ERC1: variants seen among roughly 807,000 people sequenced by gnomAD.
The protein encoded by ERC1 is RAB6 interacting protein 2.
ERC1 carries 56 observed loss-of-function variants against 132.0 expected under a neutral mutation model. The ratio of observed to expected loss-of-function variants is 0.42; its 90% confidence interval spans 0.34 to 0.53. The LOEUF is 0.53. Among genes scored for constraint, ERC1 ranks in the 20% least tolerant of loss-of-function variants. The pLI is 0.03. For missense variants in ERC1, 1,202 were observed against 1,349.9 expected (o/e 0.89, Z 1.72); for synonymous variants, 478 against 476.1 (o/e 1.00, Z -0.05).
chr12:1,429,293 A>G (rs562872586), intron 17 of ERC1, among the ~76,000 whole-genome samples: 1 of 152,302 alleles, frequency 6.6e-6, no homozygotes, highest in South Asian at 2.1e-4. Context: ...TCAAATGAAA[A>G]CATCTTACAT....
intron 2 of ERC1, among the ~76,000 whole-genome samples, chr12:1,078,147 G>A (rs1180063273): frequency 6.6e-6 from 1 of 152,134 alleles, no homozygotes; most frequent in Non-Finnish European, 1.5e-5. Flanking sequence ...TATTTCTCCT[G>A]ACTTGAATGA....
intron 3 of ERC1, among the ~76,000 whole-genome samples, chr12:1,091,013 T>C (rs988667987): frequency 2.6e-5 from 4 of 152,102 alleles, no homozygotes; most frequent in Admixed American, 2.6e-4. Context: ...TTCTCCTGCC[T>C]CAGCTTCCTG....
At chr12:1,094,159 C>A (rs1465744863) in intron 3 of ERC1, among the ~76,000 whole-genome samples, 2 of 149,410 alleles carry the variant, frequency 1.3e-5, no homozygotes, top group African/African-American at 4.9e-5. Flanking sequence ...GCTGGGACTA[C>A]AGGTGCCTGC....
chr12:1,177,176 T>A (rs933863982), intron 8 of ERC1, among the ~76,000 whole-genome samples: 1 of 152,212 alleles, frequency 6.6e-6, no homozygotes, highest in African/African-American at 2.4e-5. Context: ...GTGGCTGGTT[T>A]GATCCTGTAT....
At chr12:1,315,965 C>G (rs2081673378) in intron 15 of ERC1, among the ~76,000 whole-genome samples, 1 of 151,848 alleles carries the variant, frequency 6.6e-6, no homozygotes, top group Admixed American at 6.6e-5. Context: ...AGCCTTGGCT[C>G]ACTGCAAGCT....
chr12:1,214,602 C>A (rs963756275), intron 12 of ERC1, among the ~76,000 whole-genome samples: 2 of 151,182 alleles, frequency 1.3e-5, no homozygotes, highest in Non-Finnish European at 2.9e-5. Flanking sequence ...AATGAAAGGG[C>A]AAATTTAGAT....
chr12:1,375,523 A>AT (rs1308228759), intron 16 of ERC1, among the ~76,000 whole-genome samples: 2 of 152,166 alleles, frequency 1.3e-5, no homozygotes, highest in African/African-American at 4.8e-5. Flanking sequence ...TTAGCAGGTC[A>AT]TCCAAACATT....
rs1298930775 is a variant in ERC1 at position 1,196,961 on chromosome 12, CATAT to C, written c.2351+6922_2351+6925del. 1.3e-3 allele frequency among the ~76,000 whole-genome samples: 23 copies of C among 17,924 alleles called. 1 individual carries two copies. Among genetic ancestry groups the C allele is most frequent in the East Asian group, 5.1e-3 (5 of 980 alleles). The allele number at this position is 17,924 out of a possible 152,430, so 11.8% of individuals were successfully genotyped here. ...ACACACACACACACACACACACACA[CATAT>C]ATATATATATATTTTTTTTTTTTTT... On this transcript the variant is annotated intron_variant, in intron 12 of 18. Transcript: ENST00000360905.
chr12:1,393,841 C>T (rs1431704658), intron 16 of ERC1, among the ~76,000 whole-genome samples: 1 of 150,120 alleles, frequency 6.7e-6, no homozygotes, highest in Non-Finnish European at 1.5e-5. Context: ...CGGTGAAACC[C>T]CGTCTCTACT....
chr12:1,437,461 C>T (rs571759303), intron 17 of ERC1, among the ~76,000 whole-genome samples: 1 of 152,274 alleles, frequency 6.6e-6, no homozygotes, highest in East Asian at 1.9e-4. Flanking sequence ...CCTTTTGTAG[C>T]ACATGGAGAG....
At chr12:1,129,345 AAACT>A (rs2154237733) in intron 7 of ERC1, among the ~76,000 whole-genome samples, 1 of 138,088 alleles carries the variant, frequency 7.2e-6, no homozygotes, top group Non-Finnish European at 1.6e-5. Context: ...CAACAACAAA[AAACT>A]AACCAGGCAA....
intron 2 of ERC1, among the ~76,000 whole-genome samples, chr12:1,036,645 G>A (rs531589586): frequency 1.4e-3 from 216 of 152,218 alleles, no homozygotes; most frequent in African/African-American, 5.1e-3. Context: ...CAAAGTGTTG[G>A]GATTACAGGT....
intron 18 of ERC1, chr12:1,480,738 G>T (rs7295516): frequency 1.5e-6 from 1 of 675,494 alleles, no homozygotes; most frequent in Non-Finnish European, 2.7e-6. Context: ...GTGGGAGGGG[G>T]TGTGGGTAGT....
At chr12:1,210,348 G>A (rs1957749667) in intron 12 of ERC1, among the ~76,000 whole-genome samples, 1 of 152,184 alleles carries the variant, frequency 6.6e-6, no homozygotes, top group Non-Finnish European at 1.5e-5. Context: ...TGTACGTCAG[G>A]ATTGCTCTGT....
At chr12:1,168,898 C>T (rs781090016) in intron 8 of ERC1, among the ~76,000 whole-genome samples, 1 of 152,044 alleles carries the variant, frequency 6.6e-6, no homozygotes, top group Non-Finnish European at 1.5e-5. Flanking sequence ...GGGCTTTCTC[C>T]AGGTAAAAGT....
At chr12:1,094,428 G>T (rs10848435) in intron 3 of ERC1, among the ~76,000 whole-genome samples, 136,508 of 139,436 alleles carry the variant, frequency 0.98, 66,799 homozygotes, top group Middle Eastern at 0.99. Flanking sequence ...TTTTTTTTTT[G>T]GCAACAGAGT....
chr12:1,412,292 T>C (rs184501055), intron 17 of ERC1, among the ~76,000 whole-genome samples: 33 of 152,330 alleles, frequency 2.2e-4, no homozygotes, highest in Admixed American at 1.0e-3. Flanking sequence ...TTATCAAACT[T>C]AAAAACGTGT....
chr12:1,369,936 GA>G (rs2087029566), intron 15 of ERC1, among the ~76,000 whole-genome samples: 1 of 152,088 alleles, frequency 6.6e-6, no homozygotes, highest in African/African-American at 2.4e-5. Flanking sequence ...TACACATCCA[GA>G]ATAAAAAATA....
chr12:1,381,451 G>A (rs915829050), intron 16 of ERC1, among the ~76,000 whole-genome samples: 2 of 151,932 alleles, frequency 1.3e-5, no homozygotes, highest in Admixed American at 6.6e-5. Context: ...CTCCCACCTT[G>A]ACCTCCCAAA....
Sources: allele counts gnomAD v4.1 joint callset (sites outside exome capture counted in the v4.1 genomes callset), GRCh38; gene constraint gnomAD v4.1.1; transcripts MANE v1.5; gene names NCBI Gene and HGNC (gene_info 2026-07-23, HGNC 2026-07-21).